Variants in SNX30 observed in about 807,000 individuals in gnomAD.
SNX30 encodes sorting nexin-30.
SNX30 carries 24 observed loss-of-function variants against 46.4 expected under a neutral mutation model. The ratio of observed to expected loss-of-function variants is 0.52; its 90% CI spans 0.37 to 0.73. The LOEUF (loss-of-function observed/expected upper bound fraction) is 0.73. SNX30 is among the 30% of genes least tolerant of loss of function. The pLI, the probability that SNX30 is intolerant of heterozygous loss-of-function variation, is 0.00. For missense variants in SNX30, 533 were observed against 555.7 expected, an observed-to-expected ratio of 0.96 and a Z score of 0.41; for synonymous variants, 189 against 211.5, an observed-to-expected ratio of 0.89 and a Z score of 0.92.
intron 5 of SNX30, among the ~76,000 whole-genome samples, chr9:112,836,840 C>A (rs1292683906): frequency 6.6e-6 from 1 of 152,124 alleles, no homozygotes; most frequent in East Asian, 1.9e-4. Flanking sequence ...CCTGATGAAT[C>A]TTCAGACTTG....
chr9:112,779,341 C>T (rs1218944032), intron 1 of SNX30, among the ~76,000 whole-genome samples: 1 of 152,160 alleles, frequency 6.6e-6, no homozygotes. Context: ...ATTCATTTCT[C>T]CTTCTGTTTC....
downstream of SNX30, among the ~76,000 whole-genome samples, chr9:112,884,148 C>T (rs545564525): frequency 6.6e-5 from 10 of 152,310 alleles, no homozygotes; most frequent in South Asian, 4.1e-4. Context: ...CAAGTTCTTA[C>T]GGTGGCATGA....
At chr9:112,836,446 G>A in intron 5 of SNX30, 37 bp downstream of exon 5, 1 of 1,557,802 alleles carries the variant, frequency 6.4e-7, no homozygotes, top group Non-Finnish European at 8.8e-7. Context: ...ATGCCCTGCA[G>A]CCACATTGGC....
intron 8 of SNX30, among the ~76,000 whole-genome samples, chr9:112,865,445 A>G (rs1467674390): frequency 6.6e-6 from 1 of 151,528 alleles, no homozygotes; most frequent in Non-Finnish European, 1.5e-5. Context: ...ATGTAGTGGG[A>G]CTGTCGTTAC....
intron 7 of SNX30, among the ~76,000 whole-genome samples, chr9:112,860,642 T>C (rs751067811): frequency 6.6e-6 from 1 of 152,236 alleles, no homozygotes; most frequent in Non-Finnish European, 1.5e-5. Context: ...CCCAGTGCAA[T>C]CTCATGCTAA....
At chr9:112,856,312 T>C (rs1841126400) in intron 7 of SNX30, among the ~76,000 whole-genome samples, 1 of 96,888 alleles carries the variant, frequency 1.0e-5, no homozygotes, top group South Asian at 3.7e-4. Flanking sequence ...GTTGGGGGGC[T>C]GGCCTGTGGT....
At chr9:112,847,467 A>G (rs1452868612) in intron 6 of SNX30, among the ~76,000 whole-genome samples, 4 of 150,718 alleles carry the variant, frequency 2.7e-5, no homozygotes, top group Admixed American at 2.6e-4. Context: ...TTTTTTAAAA[A>G]GGACTACCTA....
chr9:112,795,865 T>C (rs146570393), intron 1 of SNX30, among the ~76,000 whole-genome samples: 12 of 152,172 alleles, frequency 7.9e-5, no homozygotes, highest in Admixed American at 6.6e-4. Flanking sequence ...AAGTTTGATA[T>C]ATAAATAAAT....
intron 7 of SNX30, among the ~76,000 whole-genome samples, chr9:112,854,881 A>G (rs993660452): frequency 6.6e-6 from 1 of 152,216 alleles, no homozygotes; most frequent in Admixed American, 6.5e-5. Context: ...GTGATGCCAT[A>G]AAGTGCTCGG....
intron 1 of SNX30, among the ~76,000 whole-genome samples, chr9:112,782,851 CCACT>C (rs1279841806): frequency 6.6e-6 from 1 of 152,252 alleles, no homozygotes; most frequent in East Asian, 1.9e-4. Flanking sequence ...TGCTGTCTGA[CCACT>C]CACATTTATT....
In SNX30 at chr9:112,870,618, G is replaced by A. The variant is rs16917417; in HGVS notation, c.*1775G>A. The stretch of plus-strand genomic sequence containing the variant: ...ACAGTTAGAAATGACTCATTGATGC[G>A]GACAGGTAAGAACAACCCATGTACC... On this transcript the variant is annotated 3_prime_UTR_variant, in exon 9 of 9. Transcript: ENST00000374232. 0.15 allele frequency: 22,736 copies of A among 152,234 alleles called. 1,921 individuals are homozygous for A. The highest frequency in any genetic ancestry group is 0.19 in the Non-Finnish European group (12,743 of 68,038). 9.4% of individuals were successfully genotyped at this position (152,234 alleles called of 1,614,324 possible).
chr9:112,768,068 T>C (rs1839575400), intron 1 of SNX30, among the ~76,000 whole-genome samples: 1 of 152,240 alleles, frequency 6.6e-6, no homozygotes, highest in Non-Finnish European at 1.5e-5. Context: ...CTGCCTTGTA[T>C]GGATCATTCC....
chr9:112,805,293 A>G (rs1564274477), intron 2 of SNX30, among the ~76,000 whole-genome samples: 1 of 152,154 alleles, frequency 6.6e-6, no homozygotes, highest in Non-Finnish European at 1.5e-5. Flanking sequence ...GAATCATTGT[A>G]TCAACCTAAA....
At chr9:112,772,446 T>TA (rs1839667704) in intron 1 of SNX30, among the ~76,000 whole-genome samples, 1 of 152,186 alleles carries the variant, frequency 6.6e-6, no homozygotes, top group Admixed American at 6.5e-5. Context: ...TCTCATATAG[T>TA]ATGATAGGCT....
chr9:112,821,969 A>G (rs763173557), intron 3 of SNX30, among the ~76,000 whole-genome samples: 11 of 151,964 alleles, frequency 7.2e-5, no homozygotes, highest in Non-Finnish European at 1.0e-4. Flanking sequence ...TGTAGAGACA[A>G]GGTGTCACTG....
At chr9:112,798,149 C>CT (rs60666962) in intron 1 of SNX30, among the ~76,000 whole-genome samples, 61,486 of 81,622 alleles carry the variant, frequency 0.75, 23,174 homozygotes, top group South Asian at 0.85. Context: ...TTATTATACT[C>CT]TAAGTTTTAG....
At chr9:112,794,174 T>TG in intron 1 of SNX30, among the ~76,000 whole-genome samples, 1 of 152,246 alleles carries the variant, frequency 6.6e-6, no homozygotes, top group East Asian at 1.9e-4. Flanking sequence ...TTTTTTGAGA[T>TG]GGAGTCTTGC....
intron 7 of SNX30, among the ~76,000 whole-genome samples, chr9:112,852,506 A>C (rs1170306360): frequency 6.6e-6 from 1 of 152,132 alleles, no homozygotes; most frequent in African/African-American, 2.4e-5. Context: ...ACCCCACCAG[A>C]TAGCGAGGCG....
intron 1 of SNX30, among the ~76,000 whole-genome samples, chr9:112,780,032 A>G (rs1023545459): frequency 2.0e-5 from 3 of 152,162 alleles, no homozygotes; most frequent in African/African-American, 7.2e-5. Flanking sequence ...CTGTTAGACT[A>G]GGGTGTACTC....
Sources: gnomAD v4.1 joint callset for allele counts (sites outside exome capture counted in the v4.1 genomes callset) on GRCh38, gnomAD v4.1.1 for gene constraint, MANE v1.5 for transcripts, NCBI Gene and HGNC (gene_info 2026-07-23, HGNC 2026-07-21) for gene names.